Variants in MSRA observed in about 807,000 individuals in gnomAD.
MSRA encodes mitochondrial peptide methionine sulfoxide reductase.
MSRA carries 54 observed loss-of-function variants against 31.3 expected under a neutral mutation model. The ratio of observed to expected loss-of-function variants is 1.73; its 90% CI spans 1.39 to 2.17. The LOEUF is 2.17. Ranked by LOEUF, MSRA falls within the 30% of genes most tolerant of loss-of-function variation. MSRA has a pLI of 0.00. For missense variants in MSRA, 507 were observed against 300.9 expected (o/e 1.69, Z -5.07); for synonymous variants, 169 against 116.5 (o/e 1.45, Z -2.90).
At chr8:10,195,214 C>G (rs1807864774) in intron 1 of MSRA, among the ~76,000 whole-genome samples, 1 of 152,154 alleles carries the variant, frequency 6.6e-6, no homozygotes, top group East Asian at 1.9e-4. Flanking sequence ...TGGGATGAAC[C>G]TTGTTAATGT....
chr8:10,089,559 G>T (rs755585496), intron 1 of MSRA, among the ~76,000 whole-genome samples: 1 of 152,196 alleles, frequency 6.6e-6, no homozygotes, highest in African/African-American at 2.4e-5. Flanking sequence ...GCGGGTAGAC[G>T]AGAGGTAGGT....
At chr8:10,338,404 G>T (rs990453297) in intron 5 of MSRA, among the ~76,000 whole-genome samples, 9 of 152,170 alleles carry the variant, frequency 5.9e-5, no homozygotes, top group African/African-American at 2.2e-4. Context: ...TCCACAGGAG[G>T]AATAGGGTTT....
intron 1 of MSRA, among the ~76,000 whole-genome samples, chr8:10,060,880 T>C (rs1348341488): frequency 1.3e-5 from 2 of 152,224 alleles, no homozygotes; most frequent in Non-Finnish European, 2.9e-5. Context: ...TCCACTATTA[T>C]GTAGAAGGCA....
chr8:10,135,425 A>G (rs1195572351), intron 1 of MSRA, among the ~76,000 whole-genome samples: 1 of 152,256 alleles, frequency 6.6e-6, no homozygotes, highest in East Asian at 1.9e-4. Context: ...TAAGAGAGGA[A>G]GAAGTCATTT....
chr8:10,305,427 T>C (rs1298539650), intron 4 of MSRA, among the ~76,000 whole-genome samples: 2 of 142,430 alleles, frequency 1.4e-5, no homozygotes, highest in East Asian at 1.9e-4. Flanking sequence ...TTTTTTTTTT[T>C]TTTCCGGATG....
intron 1 of MSRA, among the ~76,000 whole-genome samples, chr8:10,066,422 C>T (rs1219915877): frequency 2.6e-5 from 4 of 152,206 alleles, no homozygotes; most frequent in Non-Finnish European, 5.9e-5. Context: ...TAAAATCATA[C>T]ACACACACGC....
At chr8:10,372,133 G>T (rs1328798315) in intron 5 of MSRA, among the ~76,000 whole-genome samples, 1 of 152,198 alleles carries the variant, frequency 6.6e-6, no homozygotes, top group Non-Finnish European at 1.5e-5. Context: ...CTCTGGAAGG[G>T]CATCGTTAGC....
intron 3 of MSRA, among the ~76,000 whole-genome samples, chr8:10,286,872 CAT>C (rs1799965551): frequency 6.6e-6 from 1 of 152,240 alleles, no homozygotes. Flanking sequence ...TGTGTACGCA[CAT>C]GTGTGTGCAC....
intron 1 of MSRA, among the ~76,000 whole-genome samples, chr8:10,098,955 T>C (rs1302752552): frequency 1.3e-5 from 2 of 152,208 alleles, no homozygotes; most frequent in East Asian, 1.9e-4. Context: ...TTGTTTTCTG[T>C]TGTGAGACAA....
intron 1 of MSRA, among the ~76,000 whole-genome samples, chr8:10,162,911 T>C (rs1245977642): frequency 6.6e-6 from 1 of 152,134 alleles, no homozygotes; most frequent in Non-Finnish European, 1.5e-5. Context: ...CGGAATATCA[T>C]GGGGCCTCCT....
At chr8:10,210,933 T>C (rs1054708335) in intron 2 of MSRA, among the ~76,000 whole-genome samples, 3 of 151,584 alleles carry the variant, frequency 2.0e-5, no homozygotes, top group African/African-American at 7.3e-5. Context: ...ATGGGGTTTT[T>C]CCATGTTGGC....
chr8:10,376,942 G>T (rs375703713), intron 5 of MSRA, among the ~76,000 whole-genome samples: 13 of 152,190 alleles, frequency 8.5e-5, no homozygotes, highest in African/African-American at 2.9e-4. Flanking sequence ...TTTAAAAAGG[G>T]TGTAAGCGGG....
intron 5 of MSRA, among the ~76,000 whole-genome samples, chr8:10,425,570 G>A (rs963776127): frequency 6.6e-6 from 1 of 152,260 alleles, no homozygotes; most frequent in Non-Finnish European, 1.5e-5. Context: ...TGCCTAGGAG[G>A]ACAGGGAAGA....
intron 2 of MSRA, among the ~76,000 whole-genome samples, chr8:10,237,207 T>C (rs1406439046): frequency 6.6e-6 from 1 of 152,246 alleles, no homozygotes; most frequent in African/African-American, 2.4e-5. Context: ...GTTTTTCTTG[T>C]GGCATTTGTA....
At chr8:10,385,766 A>T (rs1421180228) in intron 5 of MSRA, among the ~76,000 whole-genome samples, 1 of 140,586 alleles carries the variant, frequency 7.1e-6, no homozygotes, top group Non-Finnish European at 1.5e-5. Flanking sequence ...TGGTTTCTGC[A>T]GCTGTGGGAG....
intron 3 of MSRA, among the ~76,000 whole-genome samples, chr8:10,246,204 C>T (rs1422553406): frequency 4.6e-5 from 7 of 152,118 alleles, no homozygotes; most frequent in African/African-American, 1.2e-4. Context: ...TGCTTGCAAC[C>T]AACTATGTGG....
At chr8:10,361,753 G>C (rs180944331) in intron 5 of MSRA, among the ~76,000 whole-genome samples, 1 of 152,182 alleles carries the variant, frequency 6.6e-6, no homozygotes, top group Non-Finnish European at 1.5e-5. Context: ...CCTACTTAAA[G>C]TAACTCTTAA....
intron 1 of MSRA, among the ~76,000 whole-genome samples, chr8:10,194,025 T>C (rs747900975): frequency 5.3e-5 from 8 of 151,376 alleles, no homozygotes; most frequent in African/African-American, 2.0e-4. Context: ...TCTTCTGTTA[T>C]GGAAGAAAAA....
intron 3 of MSRA, among the ~76,000 whole-genome samples, chr8:10,295,921 G>A (rs1314111233): frequency 6.6e-6 from 1 of 152,182 alleles, no homozygotes; most frequent in Non-Finnish European, 1.5e-5. Context: ...TCTTGCTCCT[G>A]TAGCCCCTCT....
Sources: gnomAD v4.1 joint callset for allele counts (sites outside exome capture counted in the v4.1 genomes callset) on GRCh38, gnomAD v4.1.1 for gene constraint, MANE v1.5 for transcripts, NCBI Gene and HGNC (gene_info 2026-07-23, HGNC 2026-07-21) for gene names.